SPAG16: variants seen among roughly 807,000 people sequenced by gnomAD.
SPAG16 encodes sperm-associated antigen 16 protein.
SPAG16 carries 86 observed loss-of-function variants against 80.4 expected under a neutral mutation model. That is an observed-to-expected ratio of 1.07 (90% CI 0.90 to 1.28). The LOEUF is 1.28. SPAG16 is among the 50% of genes most tolerant of loss of function. The probability of loss-of-function intolerance (pLI) is 0.00; values close to 1 mark genes in which losing one functional copy is unlikely to be tolerated. For missense variants in SPAG16, 870 were observed against 765.3 expected (o/e 1.14, Z -1.61); for synonymous variants, 294 against 265.9 (o/e 1.11, Z -1.03).
intron 10 of SPAG16, among the ~76,000 whole-genome samples, chr2:213,649,913 C>T (rs915031395): frequency 2.6e-5 from 4 of 151,976 alleles, no homozygotes; most frequent in African/African-American, 4.8e-5. Flanking sequence ...GAGATTCATC[C>T]AGTTATTCAG....
chr2:214,032,556 G>T (rs2048467700), intron 13 of SPAG16, among the ~76,000 whole-genome samples: 2 of 152,114 alleles, frequency 1.3e-5, no homozygotes, highest in African/African-American at 4.8e-5. Flanking sequence ...CGGAGGCTAG[G>T]ATCTGAGTTT....
chr2:213,761,683 A>AC (rs1409936049), intron 10 of SPAG16, among the ~76,000 whole-genome samples: 8 of 151,950 alleles, frequency 5.3e-5, no homozygotes, highest in African/African-American at 1.9e-4. Context: ...ACATGGTGAA[A>AC]CCCCATCTGT....
chr2:213,984,293 A>G (rs2045902542), intron 12 of SPAG16, among the ~76,000 whole-genome samples: 1 of 152,086 alleles, frequency 6.6e-6, no homozygotes, highest in Non-Finnish European at 1.5e-5. Context: ...AGGGAACAAA[A>G]TGTTTGACAG....
intron 13 of SPAG16, among the ~76,000 whole-genome samples, chr2:214,020,507 A>G (rs145268027): frequency 6.6e-6 from 1 of 152,160 alleles, no homozygotes; most frequent in African/African-American, 2.4e-5. Flanking sequence ...AGATGACTCA[A>G]TATGCTTATA....
At chr2:213,403,472 A>G (rs2125349978) in intron 9 of SPAG16, among the ~76,000 whole-genome samples, 1 of 152,090 alleles carries the variant, frequency 6.6e-6, no homozygotes, top group East Asian at 1.9e-4. Flanking sequence ...GATTATCTCA[A>G]TAGATGCAGA....
intron 15 of SPAG16, among the ~76,000 whole-genome samples, chr2:214,286,497 G>A (rs1291652121): frequency 6.6e-6 from 1 of 152,024 alleles, no homozygotes; most frequent in Non-Finnish European, 1.5e-5. Context: ...CTATAATCCC[G>A]GCACTTTGTG....
intron 15 of SPAG16, among the ~76,000 whole-genome samples, chr2:214,390,378 C>G (rs1701007961): frequency 1.4e-5 from 2 of 143,160 alleles, no homozygotes; most frequent in South Asian, 4.5e-4. Context: ...CACTCATGGG[C>G]TTTAATACCC....
At chr2:213,460,305 C>CAAG (rs1235954033) in intron 9 of SPAG16, among the ~76,000 whole-genome samples, 16 of 152,220 alleles carry the variant, frequency 1.1e-4, no homozygotes, top group Non-Finnish European at 1.5e-4. Context: ...ATACCATTCT[C>CAAG]TGTGTGCAAC....
At chr2:213,768,528 A>G (rs1310671586) in intron 10 of SPAG16, among the ~76,000 whole-genome samples, 1 of 152,222 alleles carries the variant, frequency 6.6e-6, no homozygotes, top group East Asian at 1.9e-4. Context: ...TTACGAGGAC[A>G]GGTGACTGGG....
intron 10 of SPAG16, among the ~76,000 whole-genome samples, chr2:213,755,773 T>TAGAA (rs759705676): frequency 1.3e-5 from 2 of 152,112 alleles, no homozygotes; most frequent in Non-Finnish European, 2.9e-5. Context: ...TAGTAGATAT[T>TAGAA]AGAAAGATAT....
At chr2:214,226,703 C>T (rs896294649) in intron 15 of SPAG16, among the ~76,000 whole-genome samples, 1 of 152,016 alleles carries the variant, frequency 6.6e-6, no homozygotes, top group Non-Finnish European at 1.5e-5. Context: ...TAGGATCACA[C>T]AAGATCACAT....
At chr2:213,539,469 C>G (rs948227801) in intron 10 of SPAG16, among the ~76,000 whole-genome samples, 1 of 152,156 alleles carries the variant, frequency 6.6e-6, no homozygotes, top group East Asian at 1.9e-4. Context: ...TCTTTTTCAA[C>G]TTGTACAACT....
At chr2:214,095,738 T>G (rs917287641) in intron 13 of SPAG16, among the ~76,000 whole-genome samples, 3 of 152,050 alleles carry the variant, frequency 2.0e-5, no homozygotes, top group Non-Finnish European at 4.4e-5. Context: ...GCATAAAGTT[T>G]CAGTTATGCA....
intron 10 of SPAG16, among the ~76,000 whole-genome samples, chr2:213,583,133 T>C (rs2060350608): frequency 6.6e-6 from 1 of 152,178 alleles, no homozygotes; most frequent in Non-Finnish European, 1.5e-5. Flanking sequence ...AGAAAAAGTA[T>C]ATATAGTATA....
intron 12 of SPAG16, among the ~76,000 whole-genome samples, chr2:213,950,593 A>G (rs2079703395): frequency 6.6e-6 from 1 of 151,960 alleles, no homozygotes; most frequent in Non-Finnish European, 1.5e-5. Context: ...GATATTATTT[A>G]GAACAGCCAT....
intron 10 of SPAG16, among the ~76,000 whole-genome samples, chr2:213,752,166 C>G (rs183443000): frequency 6.6e-6 from 1 of 152,114 alleles, no homozygotes; most frequent in Non-Finnish European, 1.5e-5. Flanking sequence ...TTTTCTCATG[C>G]GAGACATATT....
intron 15 of SPAG16, among the ~76,000 whole-genome samples, chr2:214,174,069 C>T (rs544534632): frequency 6.6e-4 from 100 of 152,086 alleles, no homozygotes; most frequent in African/African-American, 1.9e-3. Flanking sequence ...ATTGATGGGA[C>T]GTATCTCAAA....
intron 6 of SPAG16, 87 bp downstream of exon 6, chr2:213,340,357 T>G: frequency 1.1e-6 from 1 of 934,250 alleles, no homozygotes; most frequent in Non-Finnish European, 1.6e-6. Flanking sequence ...TAGACAAAGT[T>G]ATTAATTCCA....
intron 12 of SPAG16, among the ~76,000 whole-genome samples, chr2:213,943,224 CAAATACCTGA>C (rs2079286029): frequency 6.6e-6 from 1 of 152,058 alleles, no homozygotes; most frequent in Non-Finnish European, 1.5e-5. Flanking sequence ...GCTACTATTT[CAAATACCTGA>C]AAATGTGGAA....
Sources: allele counts gnomAD v4.1 joint callset (sites outside exome capture counted in the v4.1 genomes callset), GRCh38; gene constraint gnomAD v4.1.1; transcripts MANE v1.5; gene names NCBI Gene and HGNC (gene_info 2026-07-23, HGNC 2026-07-21).